FSTL5: variants seen among roughly 807,000 people sequenced by gnomAD.
The protein encoded by FSTL5 is follistatin-related protein 5.
Under a neutral mutation model 89.1 loss-of-function variants are expected in FSTL5, and 62 were observed. That is an observed-to-expected ratio of 0.70 (90% CI 0.57 to 0.86). The LOEUF (loss-of-function observed/expected upper bound fraction) is 0.86. Ranked by LOEUF, FSTL5 falls within the 40% of genes least tolerant of loss-of-function variation. FSTL5 has a pLI of 0.00. For synonymous variants in FSTL5, 383 were observed against 346.2 expected, an observed-to-expected ratio of 1.11 and a Z score of -1.18; for missense variants, 1,057 against 1,001.6, an observed-to-expected ratio of 1.06 and a Z score of -0.75.
chr4:161,836,988 T>C (rs898739251), intron 4 of FSTL5, among the ~76,000 whole-genome samples: 9 of 152,116 alleles, frequency 5.9e-5, no homozygotes, highest in African/African-American at 2.2e-4. Flanking sequence ...TTGAGACATC[T>C]ATGTGCCATC....
chr4:161,768,228 C>T (rs753705609), intron 5 of FSTL5, among the ~76,000 whole-genome samples: 1 of 152,042 alleles, frequency 6.6e-6, no homozygotes, highest in Non-Finnish European at 1.5e-5. Context: ...TAAGGGAAGT[C>T]TATGATAGAT....
At chr4:161,516,545 T>C (rs1369383587) in intron 10 of FSTL5, among the ~76,000 whole-genome samples, 1 of 144,976 alleles carries the variant, frequency 6.9e-6, no homozygotes, top group Non-Finnish European at 1.5e-5. Context: ...TTACATATAG[T>C]AAATTATATA....
At chr4:161,992,900 GTGTGTATATA>G (rs1238349453) in intron 3 of FSTL5, among the ~76,000 whole-genome samples, 2,496 of 72,994 alleles carry the variant, frequency 0.034, 186 homozygotes, top group African/African-American at 0.11. Flanking sequence ...ATATATATGT[GTGTGTATATA>G]TATATATATA....
intron 1 of FSTL5, among the ~76,000 whole-genome samples, chr4:162,114,430 G>T (rs1443740544): frequency 6.6e-6 from 1 of 151,926 alleles, no homozygotes; most frequent in African/African-American, 2.4e-5. Context: ...TACAAGTGAG[G>T]TCAGAAATTT....
At chr4:161,934,059 T>G (rs1734364964) in intron 3 of FSTL5, among the ~76,000 whole-genome samples, 2 of 152,060 alleles carry the variant, frequency 1.3e-5, no homozygotes, top group African/African-American at 4.8e-5. Context: ...TCATTTGATC[T>G]TTGTAACAAT....
chr4:161,425,069 A>C (rs1484601677), intron 15 of FSTL5, among the ~76,000 whole-genome samples: 1 of 152,214 alleles, frequency 6.6e-6, no homozygotes, highest in Non-Finnish European at 1.5e-5. Flanking sequence ...GGCAAATAAA[A>C]GCCATTAGAT....
intron 2 of FSTL5, among the ~76,000 whole-genome samples, chr4:162,088,010 A>G (rs9790689): frequency 0.054 from 8,154 of 152,204 alleles, 396 homozygotes; most frequent in East Asian, 0.24. Flanking sequence ...GGAAATATTC[A>G]AAAAATAATA....
At chr4:162,102,746 CATAT>C (rs1224462757) in intron 2 of FSTL5, among the ~76,000 whole-genome samples, 1 of 143,646 alleles carries the variant, frequency 7.0e-6, no homozygotes, top group Non-Finnish European at 1.5e-5. Context: ...CATATATACA[CATAT>C]ATAAATATGT....
chr4:161,617,766 T>C (rs1241883704), intron 7 of FSTL5, among the ~76,000 whole-genome samples: 2 of 152,172 alleles, frequency 1.3e-5, no homozygotes, highest in African/African-American at 2.4e-5. Flanking sequence ...AAACTGTGAT[T>C]ATAGAATTAT....
chr4:161,707,484 C>T (rs1399609696), intron 6 of FSTL5, among the ~76,000 whole-genome samples: 2 of 151,674 alleles, frequency 1.3e-5, no homozygotes, highest in Non-Finnish European at 2.9e-5. Flanking sequence ...TGTCTTTATG[C>T]CATAAAATTT....
intron 3 of FSTL5, among the ~76,000 whole-genome samples, chr4:161,921,564 A>G (rs549741925): frequency 1.0e-3 from 158 of 152,268 alleles, no homozygotes; most frequent in Middle Eastern, 0.01. Flanking sequence ...TATATTTAGC[A>G]TCAATGACAC....
intron 3 of FSTL5, among the ~76,000 whole-genome samples, chr4:162,019,952 A>G (rs574500588): frequency 1.3e-5 from 2 of 148,530 alleles, no homozygotes; most frequent in African/African-American, 4.9e-5. Flanking sequence ...ATACATATAA[A>G]TATATATATA....
At chr4:161,912,619 C>T (rs150009829) in intron 4 of FSTL5, among the ~76,000 whole-genome samples, 156 of 152,250 alleles carry the variant, frequency 1.0e-3, no homozygotes, top group Admixed American at 2.3e-3. Context: ...TTCCCAGTCT[C>T]GGGTATGTCT....
chr4:161,639,344 C>A (rs1237202586), intron 7 of FSTL5, among the ~76,000 whole-genome samples: 1 of 152,156 alleles, frequency 6.6e-6, no homozygotes, highest in Non-Finnish European at 1.5e-5. Flanking sequence ...GCATAAGCTA[C>A]CTATCCTTCC....
chr4:161,707,304 T>C (rs1738616924), intron 6 of FSTL5, among the ~76,000 whole-genome samples: 2 of 151,906 alleles, frequency 1.3e-5, no homozygotes, highest in African/African-American at 4.8e-5. Flanking sequence ...AAATTCCTAT[T>C]ATAGAAACAA....
chr4:161,577,059 C>A (rs773963947), intron 8 of FSTL5, among the ~76,000 whole-genome samples: 1 of 152,056 alleles, frequency 6.6e-6, no homozygotes, highest in Non-Finnish European at 1.5e-5. Flanking sequence ...TTAGGACAGC[C>A]AAAAATAACA....
At chr4:161,941,663 C>T (rs1734590564) in intron 3 of FSTL5, among the ~76,000 whole-genome samples, 1 of 151,932 alleles carries the variant, frequency 6.6e-6, no homozygotes, top group Admixed American at 6.6e-5. Context: ...ACCTTGGCAG[C>T]ATTGAAGACA....
At chr4:161,547,290 T>C (rs1160322396) in intron 8 of FSTL5, among the ~76,000 whole-genome samples, 1 of 152,070 alleles carries the variant, frequency 6.6e-6, no homozygotes, top group Admixed American at 6.6e-5. Context: ...AGCTAAGCTG[T>C]TCTCAAATTA....
At chr4:161,896,641 A>T (rs1301756996) in intron 4 of FSTL5, among the ~76,000 whole-genome samples, 1 of 152,234 alleles carries the variant, frequency 6.6e-6, no homozygotes, top group African/African-American at 2.4e-5. Context: ...ATAACATAAG[A>T]AATCTGTAAT....
Sources: allele counts gnomAD v4.1 joint callset (sites outside exome capture counted in the v4.1 genomes callset), GRCh38; gene constraint gnomAD v4.1.1; transcripts MANE v1.5; gene names NCBI Gene and HGNC (gene_info 2026-07-23, HGNC 2026-07-21).